The following CCDC77 variants were observed in gnomAD, a reference collection of about 807,000 sequenced individuals.
The protein encoded by CCDC77 is coiled-coil domain containing 77, also known as coiled-coil domain-containing protein 77.
CCDC77 carries 56 observed loss-of-function variants against 66.8 expected under a neutral mutation model. The observed-to-expected ratio is 0.84, with a 90% CI of 0.68 to 1.05. The LOEUF (loss-of-function observed/expected upper bound fraction) is 1.05. Among genes scored for constraint, CCDC77 ranks in the 50% least tolerant of loss-of-function variants. The pLI is 0.00. For missense variants in CCDC77, 570 were observed against 576.8 expected, an observed-to-expected ratio of 0.99 and a Z score of 0.12; for synonymous variants, 196 against 195.2, an observed-to-expected ratio of 1.00 and a Z score of -0.03.
chr12:438,250 C>A, intron 9 of CCDC77, 85 bp from the exon 10 acceptor site: 2 of 912,774 alleles, frequency 2.2e-6, no homozygotes, highest in South Asian at 1.7e-5. Flanking sequence ...TTAAAAGAAC[C>A]ACTCTCTTCC....
chr12:391,434 A>C (rs777198999), intron 1 of CCDC77, among the ~76,000 whole-genome samples: 5 of 152,156 alleles, frequency 3.3e-5, no homozygotes, highest in Non-Finnish European at 5.9e-5. Context: ...CAGCCTAGGC[A>C]AGAAGAGTGA....
At chr12:397,979 G>T (rs539976417), upstream of CCDC77, among the ~76,000 whole-genome samples, 1 of 152,004 alleles carries the variant, frequency 6.6e-6, no homozygotes, top group Non-Finnish European at 1.5e-5. Flanking sequence ...GCTAATGATC[G>T]TCTAAGCCAA....
Position 392,282 on chromosome 12 carries a change from G to C in CCDC77, c.-113+2796G>C, listed in dbSNP as rs143193794. 2.8e-4 allele frequency among the ~76,000 whole-genome samples: 43 copies of C among 152,226 alleles called. 2 individuals carry two copies. In the East Asian group the frequency reaches 8.3e-3, roughly 29 times the overall value. On this transcript the variant is annotated intron_variant, in intron 1 of 11. Coordinates refer to the CCDC77 transcript ENST00000422000. ...TCATTTGGCTAGACCGTGGTCCCTGGATTTTTAAAAAATGCAATAAAACCT... is the reference window on the plus strand; with the variant it reads ...TCATTTGGCTAGACCGTGGTCCCTGCATTTTTAAAAAATGCAATAAAACCT...
chr12:436,776 A>G (rs1591993842), intron 9 of CCDC77: 2 of 984,580 alleles, frequency 2.0e-6, no homozygotes, highest in East Asian at 1.1e-4. Context: ...CTTCCATTAG[A>G]TGGATCTTCC....
intron 9 of CCDC77, among the ~76,000 whole-genome samples, chr12:433,835 C>G (rs931955138): frequency 1.3e-5 from 2 of 152,084 alleles, no homozygotes; most frequent in Non-Finnish European, 2.9e-5. Flanking sequence ...GACATGTTAT[C>G]ATTTTTGGCT....
chr12:430,268 T>G (rs1945627384), intron 6 of CCDC77, among the ~76,000 whole-genome samples: 1 of 152,088 alleles, frequency 6.6e-6, no homozygotes. Context: ...GCTGAGATTA[T>G]AGGCATGAGC....
chr12:407,728 G>A (rs1945022205), intron 2 of CCDC77, among the ~76,000 whole-genome samples: 1 of 151,574 alleles, frequency 6.6e-6, no homozygotes. Context: ...AAGTAACAGT[G>A]GTGATTATCT....
chr12:405,332 G>A (rs970632998), intron 1 of CCDC77, among the ~76,000 whole-genome samples, 179 bp from the exon 2 acceptor site: 32 of 152,288 alleles, frequency 2.1e-4, no homozygotes, highest in Non-Finnish European at 4.1e-4. Flanking sequence ...TTGAAGTGAC[G>A]AAACTTCTAG....
rs551606545 is a variant in CCDC77, at chr12:390,099, T to TC, written c.-113+614dup. On this transcript the variant is annotated intron_variant, in intron 1 of 11. Transcript: ENST00000422000. ...GTGTTCCTGGTTTCCATTAATGACT[T>TC]CATCTATTCAGTTGCCTGAGCAAAA... is the stretch of plus-strand genomic sequence containing the variant. 1.4e-4 allele frequency: 20 copies of TC among 144,192 alleles called. No individual in the cohort carries two copies. The South Asian group carries it at 4.5e-3, about 32-fold the overall frequency. The allele number at this position is 144,192 out of a possible 1,614,324, so 8.9% of individuals were successfully genotyped here.
exon 1 of CCDC77, chr12:389,354 T>C: frequency 1.6e-6 from 1 of 613,826 alleles, no homozygotes; most frequent in South Asian, 1.8e-5. Flanking sequence ...AACGGAATCC[T>C]TCCGCAGCTG....
chr12:412,100 C>A (rs1945123295), intron 4 of CCDC77, 122 bp downstream of exon 4: 2 of 758,760 alleles, frequency 2.6e-6, no homozygotes, highest in Admixed American at 2.9e-5. Flanking sequence ...TTTTATTCCC[C>A]AGCCCAGCTA....
chr12:417,875 C>T lies in CCDC77; in HGVS notation c.271-619C>T, dbSNP rs12578980. 3.1e-3 allele frequency among the ~76,000 whole-genome samples: 470 copies of T among 151,684 alleles called. 12 individuals carry two copies. The East Asian group carries it at 0.067, about 22-fold the overall frequency. ...TAAGATCATGCCACCGCATTCCAGC[C>T]TGGGCGACAGAGTGAGACTCTGTCT... On this transcript the variant is annotated intron_variant, in intron 4 of 12. Transcript: ENST00000239830.
At chr12:430,381 T>G (rs980912622) in intron 6 of CCDC77, among the ~76,000 whole-genome samples, 3 of 151,980 alleles carry the variant, frequency 2.0e-5, no homozygotes, top group Admixed American at 2.0e-4. Context: ...AGCCTTAAGC[T>G]CCTAAGCTTA....
chr12:409,394 C>T lies in CCDC77; in HGVS notation c.11C>T (p.Thr4Ile), dbSNP rs1226761357. The T allele has an allele frequency of 2.5e-6, 4 of 1,613,078 alleles. No homozygotes were observed. Among genetic ancestry groups the T allele is most frequent in the Admixed American group, 1.7e-5 (1 of 59,958 alleles). ...TGTGAAAAAGACAGCATGAACTTTA[C>T]CCCAACACACACCCCTGTCTGCAGA... MNF[T>I]PTHTPVCRKR... Residue 4 changes from threonine to isoleucine, a missense_variant, in exon 3 of 13, where the codon ACC becomes ATC. By Grantham distance (89) the Thr-to-Ile change is moderately conservative (BLOSUM62 -1). Coordinates refer to ENST00000239830, the MANE Select transcript of CCDC77 (RefSeq NM_032358.4).
intron 4 of CCDC77, 32 bp downstream of exon 4, chr12:412,010 T>A: frequency 6.7e-7 from 1 of 1,493,154 alleles, no homozygotes; most frequent in Admixed American, 1.8e-5. Flanking sequence ...TTTAGAACTC[T>A]GATGGAGTCT....
chr12:402,215 A>G (rs1944909777), intron 1 of CCDC77, among the ~76,000 whole-genome samples: 1 of 152,240 alleles, frequency 6.6e-6, no homozygotes. Context: ...ACCTATAAAC[A>G]AAGGCATTGT....
In CCDC77 at chr12:414,747, A is replaced by G. The variant is rs188876416; in HGVS notation, c.270+2769A>G. Among the ~76,000 whole-genome samples the G allele has an allele frequency of 3.1e-3, 476 of 152,264 alleles. 3 individuals carry two copies. Among genetic ancestry groups the G allele is most frequent in the African/African-American group, 0.011 (453 of 41,534 alleles). ...CGGTTCTTCCAGTCCCCCTAAACCG[A>G]ATCATTTGGCAAGTCCTGTTGATTC... On this transcript the variant is annotated intron_variant, in intron 4 of 12. Transcript: ENST00000239830.
intron 5 of CCDC77, among the ~76,000 whole-genome samples, chr12:425,823 T>C (rs1241980344): frequency 6.6e-6 from 1 of 152,170 alleles, no homozygotes; most frequent in Non-Finnish European, 1.5e-5. Flanking sequence ...ACTGGCCATC[T>C]GTGGAGTAGC....
intron 10 of CCDC77, among the ~76,000 whole-genome samples, chr12:440,268 G>C (rs1287470606): frequency 6.6e-6 from 1 of 152,194 alleles, no homozygotes; most frequent in Non-Finnish European, 1.5e-5. Flanking sequence ...TATAATAAGC[G>C]TTGTTGTTAA....
Sources: allele counts gnomAD v4.1 joint callset (sites outside exome capture counted in the v4.1 genomes callset), GRCh38; gene constraint gnomAD v4.1.1; transcripts MANE v1.5; gene names NCBI Gene and HGNC (gene_info 2026-07-23, HGNC 2026-07-21).